NEGR1: variants seen among roughly 807,000 people sequenced by gnomAD.
NEGR1 encodes the protein neuronal growth regulator 1, also known as IgLON family member 4.
In NEGR1, 10 loss-of-function variants were observed where a neutral mutation model predicts 40.9. The observed-to-expected ratio is 0.24, with a 90% CI of 0.15 to 0.42. NEGR1 has a LOEUF of 0.42. Among genes scored for constraint, NEGR1 ranks in the 10% least tolerant of loss-of-function variants. The probability of loss-of-function intolerance (pLI) is 1.00; values close to 1 mark genes in which losing one functional copy is unlikely to be tolerated. For synonymous variants in NEGR1, 185 were observed against 166.8 expected (o/e 1.11, Z -0.84); for missense variants, 352 against 438.9 (o/e 0.80, Z 1.77).
At chr1:71,805,509 C>T (rs116761117) in intron 2 of NEGR1, among the ~76,000 whole-genome samples, 64 of 152,266 alleles carry the variant, frequency 4.2e-4, no homozygotes, top group African/African-American at 1.5e-3. Context: ...TAAGAACCTA[C>T]GTGAAACATC....
intron 6 of NEGR1, among the ~76,000 whole-genome samples, chr1:71,450,025 CT>C (rs1646614490): frequency 1.4e-5 from 2 of 143,590 alleles, no homozygotes; most frequent in African/African-American, 5.2e-5. Context: ...GAGTCTTGCT[CT>C]GTTGCCCAGG....
intron 1 of NEGR1, among the ~76,000 whole-genome samples, chr1:72,031,378 T>A (rs1646857172): frequency 6.6e-6 from 1 of 152,210 alleles, no homozygotes; most frequent in African/African-American, 2.4e-5. Flanking sequence ...TTTACTCAGG[T>A]GCCATTCCAC....
chr1:71,749,852 T>C lies in NEGR1; in HGVS notation c.535+26320A>G, dbSNP rs550658052. Among the ~76,000 whole-genome samples the C allele has an allele frequency of 5.9e-5, 9 of 152,362 alleles. No homozygotes were observed. The South Asian group carries it at 1.7e-3, about 28-fold the overall frequency. ...TAAAGTACCAAAAAATGCTTATTTTTAACATTTAATGATTAATACAGAAGC... is the reference window on the plus strand; with the variant it reads ...TAAAGTACCAAAAAATGCTTATTTTCAACATTTAATGATTAATACAGAAGC... On this transcript the variant is annotated intron_variant, in intron 3 of 6. Coordinates refer to ENST00000357731, the MANE Select transcript of NEGR1 (RefSeq NM_173808.3).
Position 71,529,605 on chromosome 1 carries a change from T to C in NEGR1, c.940+63212A>G, listed in dbSNP as rs369260721. On this transcript the variant is annotated intron_variant, in intron 6 of 6. Transcript: ENST00000357731. ...CACTTCGAAGATGATCTCAAGAATGTGTTTGTTTTTTTCAAAAAGTAAATA... is the reference window on the plus strand; with the variant it reads ...CACTTCGAAGATGATCTCAAGAATGCGTTTGTTTTTTTCAAAAAGTAAATA... Among the ~76,000 whole-genome samples, 8 of 151,328 alleles carry C rather than the reference T, an allele frequency of 5.3e-5. No individual in the cohort carries two copies. In the South Asian group the frequency reaches 8.3e-4, roughly 16 times the overall value.
Position 71,592,893 on chromosome 1 carries a change from T to C in NEGR1, c.864A>G (p.Thr288=), listed in dbSNP as rs140109127. 2.9e-5 allele frequency: 47 copies of C among 1,612,476 alleles called. No homozygotes were observed. The highest frequency in any genetic ancestry group is 4.0e-5 in the Non-Finnish European group (47 of 1,178,660). The part of the protein sequence containing the change: ...TRSILTVTNV[T]QEHFGNYTCV... ...AGGTATAATTGCCGAAGTGCTCCTG[T>C]GTCACGTTGGTAACAGTGAGAATGG... Residue 288 remains threonine, a synonymous_variant, in exon 6 of 7, where the codon ACA becomes ACG. Coordinates refer to ENST00000357731, the MANE Select transcript of NEGR1 (RefSeq NM_173808.3).
intron 1 of NEGR1, among the ~76,000 whole-genome samples, chr1:72,047,696 T>C (rs1251432292): frequency 6.6e-6 from 1 of 151,452 alleles, no homozygotes; most frequent in African/African-American, 2.4e-5. Context: ...CACTCTACTC[T>C]TACGCACTGA....
rs1434207846 is a variant in NEGR1, at chr1:71,406,543, C to T, written c.*903G>A. On this transcript the variant is annotated 3_prime_UTR_variant, in exon 7 of 7. Coordinates refer to ENST00000357731, the MANE Select transcript of NEGR1 (RefSeq NM_173808.3). Reference sequence around the variant, plus strand: ...GCTGTCATTTTAAAGGGAATGATTTCCCACGGTGGATCTAACATTTAGCTA... The same window carrying T: ...GCTGTCATTTTAAAGGGAATGATTTTCCACGGTGGATCTAACATTTAGCTA... 1 of 151,900 alleles carries T rather than the reference C, an allele frequency of 6.6e-6. No homozygotes were observed. The highest frequency in any genetic ancestry group is 2.4e-5 in the African/African-American group (1 of 41,382). 9.4% of individuals were successfully genotyped at this position (151,900 alleles called of 1,614,324 possible).
chr1:71,852,647 G>A (rs1395185920), intron 2 of NEGR1, among the ~76,000 whole-genome samples: 1 of 152,024 alleles, frequency 6.6e-6, no homozygotes, highest in Non-Finnish European at 1.5e-5. Flanking sequence ...AGAACGGTTT[G>A]CACAGATATT....
intron 1 of NEGR1, among the ~76,000 whole-genome samples, chr1:71,937,088 A>G (rs1645912917): frequency 6.6e-6 from 1 of 152,176 alleles, no homozygotes; most frequent in African/African-American, 2.4e-5. Flanking sequence ...GCTGCTGTCA[A>G]CTGTATGAAA....
intron 6 of NEGR1, among the ~76,000 whole-genome samples, chr1:71,589,089 A>T (rs1283862103): frequency 1.3e-5 from 2 of 152,170 alleles, no homozygotes; most frequent in Non-Finnish European, 2.9e-5. Context: ...AGTTTTACAC[A>T]GAAACTGCTC....
chr1:71,847,646 A>T (rs187223646), intron 2 of NEGR1, among the ~76,000 whole-genome samples: 1 of 152,310 alleles, frequency 6.6e-6, no homozygotes, highest in African/African-American at 2.4e-5. Flanking sequence ...CTGACTGACC[A>T]TTCCCCAGTC....
chr1:71,662,823 TA>T (rs1346688279), intron 4 of NEGR1, among the ~76,000 whole-genome samples: 1 of 152,000 alleles, frequency 6.6e-6, no homozygotes, highest in Non-Finnish European at 1.5e-5. Flanking sequence ...TCAGTTTTAT[TA>T]AAATTTATAT....
intron 2 of NEGR1, among the ~76,000 whole-genome samples, chr1:71,857,798 A>T (rs1458603367): frequency 6.6e-6 from 1 of 152,020 alleles, no homozygotes; most frequent in African/African-American, 2.4e-5. Flanking sequence ...CTTCAACAAA[A>T]TATACATTTT....
chr1:71,574,888 G>A (rs1200274808), intron 6 of NEGR1, among the ~76,000 whole-genome samples: 1 of 152,086 alleles, frequency 6.6e-6, no homozygotes, highest in Non-Finnish European at 1.5e-5. Context: ...GATTATCTCT[G>A]GGTCCATTTA....
chr1:71,830,783 G>A (rs1293727038), intron 2 of NEGR1, among the ~76,000 whole-genome samples: 1 of 151,794 alleles, frequency 6.6e-6, no homozygotes, highest in Non-Finnish European at 1.5e-5. Context: ...GATTTTAGTT[G>A]TTATAATTCA....
intron 4 of NEGR1, among the ~76,000 whole-genome samples, chr1:71,630,187 T>G (rs1280989438): frequency 6.6e-6 from 1 of 151,978 alleles, no homozygotes; most frequent in Admixed American, 6.6e-5. Flanking sequence ...CCAAAATGTA[T>G]TTAGGAGTTA....
At chr1:71,971,857 C>T (rs1346273656) in intron 1 of NEGR1, among the ~76,000 whole-genome samples, 1 of 152,174 alleles carries the variant, frequency 6.6e-6, no homozygotes, top group East Asian at 1.9e-4. Context: ...AATGTATTTG[C>T]TAACGTTATC....
intron 2 of NEGR1, among the ~76,000 whole-genome samples, chr1:71,804,362 C>T (rs1384047670): frequency 6.6e-6 from 1 of 152,122 alleles, no homozygotes; most frequent in Non-Finnish European, 1.5e-5. Flanking sequence ...GATCTGCTGG[C>T]CATGGTCCAG....
At chr1:71,480,212 G>C (rs1230703866) in intron 6 of NEGR1, among the ~76,000 whole-genome samples, 1 of 151,826 alleles carries the variant, frequency 6.6e-6, no homozygotes, top group African/African-American at 2.4e-5. Flanking sequence ...TTTACTTGGA[G>C]AAATTCATTA....
Sources: allele counts gnomAD v4.1 joint callset (sites outside exome capture counted in the v4.1 genomes callset), GRCh38; gene constraint gnomAD v4.1.1; transcripts MANE v1.5; gene names NCBI Gene and HGNC (gene_info 2026-07-23, HGNC 2026-07-21).